PSPH: variants seen among roughly 807,000 people sequenced by gnomAD.
PSPH encodes the protein L-3-phosphoserine phosphatase.
A neutral mutation model predicts 23.4 loss-of-function variants in PSPH; 16 were observed. That is an observed-to-expected ratio of 0.68 (90% confidence interval 0.46 to 1.04). The LOEUF (loss-of-function observed/expected upper bound fraction) is 1.04. PSPH is among the 50% of genes least tolerant of loss of function. PSPH has a pLI of 0.00. For synonymous variants in PSPH, 68 were observed against 99.7 expected, an observed-to-expected ratio of 0.68 and a Z score of 1.89; for missense variants, 223 against 273.7, an observed-to-expected ratio of 0.81 and a Z score of 1.31.
At chr7:56,020,539 T>C (rs1378479934) in intron 4 of PSPH, among the ~76,000 whole-genome samples, 2 of 151,248 alleles carry the variant, frequency 1.3e-5, no homozygotes, top group Non-Finnish European at 2.9e-5. Flanking sequence ...GCAGGAGAAT[T>C]GCTTGAATCT....
intron 7 of PSPH, 147 bp from the exon 8 acceptor site, chr7:56,012,016 A>G (rs1787964913): frequency 3.0e-6 from 2 of 664,170 alleles, no homozygotes; most frequent in Non-Finnish European, 5.2e-6. Context: ...AGTGATTCTC[A>G]TGCCTCAGCC....
rs895534165 is a variant in PSPH, at chr7:56,016,319, G to A, written c.421+915C>T. On this transcript the variant is annotated intron_variant, in intron 6 of 7. Coordinates refer to ENST00000275605, the MANE Select transcript of PSPH (RefSeq NM_004577.4). ...CTTGGGAGGCTGAGGCAGGAGAATC[G>A]CTTGCACCCAGGAGGCAGAGGTTGC... is the stretch of plus-strand genomic sequence containing the variant. 6.1e-5 allele frequency among the ~76,000 whole-genome samples: 9 copies of A among 147,248 alleles called. No individual in the cohort carries two copies. The South Asian group carries it at 1.3e-3, about 21-fold the overall frequency.
Position 56,027,263 on chromosome 7 carries a change from T to C in PSPH, c.-20+4666A>G, listed in dbSNP as rs1023175486. On this transcript the variant is annotated intron_variant, in intron 3 of 7. Transcript: ENST00000275605. Reference sequence around the variant, plus strand: ...TGAGGCAACATAACATAACTAAGAATGGGCAATGCTCCTGAGAATGACTGA... The same window carrying C: ...TGAGGCAACATAACATAACTAAGAACGGGCAATGCTCCTGAGAATGACTGA... Among the ~76,000 whole-genome samples, 13 of 148,160 alleles carry C rather than the reference T, an allele frequency of 8.8e-5. No individual in the cohort carries two copies. The East Asian group carries it at 2.4e-3, about 27-fold the overall frequency.
intron 3 of PSPH, among the ~76,000 whole-genome samples, chr7:56,021,746 G>A (rs1789490405): frequency 6.6e-6 from 1 of 151,016 alleles, no homozygotes; most frequent in South Asian, 2.1e-4. Context: ...CAGGAGATCC[G>A]AGAACATCCT....
intron 1 of PSPH, among the ~76,000 whole-genome samples, chr7:56,048,931 T>C (rs756713546): frequency 1.1e-3 from 160 of 151,988 alleles, no homozygotes; most frequent in Non-Finnish European, 1.8e-3. Flanking sequence ...TGGTTGTTTT[T>C]TTCTTTGAGA....
chr7:56,024,078 C>T (rs1049716506), intron 3 of PSPH, among the ~76,000 whole-genome samples: 7 of 152,066 alleles, frequency 4.6e-5, no homozygotes, highest in African/African-American at 1.7e-4. Flanking sequence ...CAGGTGCCTG[C>T]CACCACGCCC....
At chr7:56,038,878 TCACACCTGTAATCACAG>T (rs1313507587) in intron 1 of PSPH, among the ~76,000 whole-genome samples, 1 of 151,942 alleles carries the variant, frequency 6.6e-6, no homozygotes, top group Non-Finnish European at 1.5e-5. Flanking sequence ...GTGCAGTGGC[TCACACCTGTAATCACAG>T]CACTTTGAGA....
At chr7:56,050,611 G>A (rs1181106647) in intron 1 of PSPH, among the ~76,000 whole-genome samples, 2 of 152,104 alleles carry the variant, frequency 1.3e-5, no homozygotes, top group Non-Finnish European at 1.5e-5. Flanking sequence ...TGCTGTTACC[G>A]AGGACTTCCC....
intron 3 of PSPH, among the ~76,000 whole-genome samples, 193 bp from the exon 4 acceptor site, chr7:56,021,424 T>TC (rs1491360793): frequency 1.2e-5 from 1 of 85,956 alleles, no homozygotes; most frequent in Non-Finnish European, 2.7e-5. Flanking sequence ...TTTCTTTCTT[T>TC]CTTTTTTTTT....
intron 3 of PSPH, among the ~76,000 whole-genome samples, chr7:56,031,591 T>A (rs1791006442): frequency 6.6e-6 from 1 of 152,080 alleles, no homozygotes; most frequent in African/African-American, 2.4e-5. Context: ...GGTGGATGGA[T>A]GACCTGAGGT....
chr7:56,031,179 C>T (rs890365963), intron 3 of PSPH, among the ~76,000 whole-genome samples: 2 of 151,256 alleles, frequency 1.3e-5, no homozygotes, highest in Non-Finnish European at 2.9e-5. Flanking sequence ...CCACTGCAGT[C>T]CGCAGTCTGG....
intron 7 of PSPH, among the ~76,000 whole-genome samples, chr7:56,014,230 T>C (rs1788299705): frequency 6.6e-6 from 1 of 152,178 alleles, no homozygotes; most frequent in Admixed American, 6.6e-5. Flanking sequence ...AAAATGACAT[T>C]AAAATCTTGG....
rs185797968 is a variant in PSPH, at chr7:56,019,543, A to T, written c.275+57T>A. ...AAAGGAATAGTTAGATGCTCTTGGGAGGATGTGCCCCCCAACACTGGTGCT... is the reference window on the plus strand; with the variant it reads ...AAAGGAATAGTTAGATGCTCTTGGGTGGATGTGCCCCCCAACACTGGTGCT... On this transcript the variant is annotated intron_variant, in intron 5 of 7. Coordinates refer to ENST00000275605, the MANE Select transcript of PSPH (RefSeq NM_004577.4). 4.9e-5 allele frequency: 78 copies of T among 1,606,984 alleles called. 1 individual carries two copies. In the Admixed American group the frequency reaches 9.8e-4, roughly 20 times the overall value.
chr7:56,028,737 C>T (rs1374718447), intron 3 of PSPH, among the ~76,000 whole-genome samples: 1 of 152,066 alleles, frequency 6.6e-6, no homozygotes, highest in Non-Finnish European at 1.5e-5. Flanking sequence ...CAAACTCGGC[C>T]ACAGCTCCTT....
At chr7:56,026,270 G>A in intron 3 of PSPH, among the ~76,000 whole-genome samples, 1 of 152,026 alleles carries the variant, frequency 6.6e-6, no homozygotes, top group East Asian at 1.9e-4. Flanking sequence ...GAGGTCAGGA[G>A]TTCGAGACCC....
At chr7:56,022,716 C>A (rs980810501) in intron 3 of PSPH, among the ~76,000 whole-genome samples, 2 of 152,168 alleles carry the variant, frequency 1.3e-5, no homozygotes, top group African/African-American at 4.8e-5. Flanking sequence ...GCTAAACATA[C>A]ACAATGTCGC....
intron 6 of PSPH, among the ~76,000 whole-genome samples, chr7:56,016,263 G>A (rs1217178267): frequency 6.6e-6 from 1 of 151,528 alleles, no homozygotes; most frequent in Non-Finnish European, 1.5e-5. Flanking sequence ...AATTAGCCAG[G>A]TGTGGTGGTG....
intron 7 of PSPH, among the ~76,000 whole-genome samples, chr7:56,013,246 T>C (rs891067078): frequency 1.3e-5 from 2 of 151,588 alleles, no homozygotes; most frequent in African/African-American, 4.8e-5. Context: ...TGGCCGGGCA[T>C]GTTGGCTCAC....
At chr7:56,015,531 T>C (rs1023735107) in intron 6 of PSPH, among the ~76,000 whole-genome samples, 1 of 151,976 alleles carries the variant, frequency 6.6e-6, no homozygotes, top group Non-Finnish European at 1.5e-5. Context: ...TAACTATCAA[T>C]TGTAGAGATG....
Sources: allele counts gnomAD v4.1 joint callset (sites outside exome capture counted in the v4.1 genomes callset), GRCh38; gene constraint gnomAD v4.1.1; transcripts MANE v1.5; gene names NCBI Gene and HGNC (gene_info 2026-07-23, HGNC 2026-07-21).